The following CSMD1 variants were observed in gnomAD, a reference collection of about 807,000 sequenced individuals.
CSMD1 encodes CUB and sushi domain-containing protein 1.
A neutral mutation model predicts 417.5 loss-of-function variants in CSMD1; 213 were observed. That is an observed-to-expected ratio of 0.51 (90% confidence interval 0.46 to 0.57). The LOEUF (loss-of-function observed/expected upper bound fraction) is 0.57. Among genes scored for constraint, CSMD1 ranks in the 20% least tolerant of loss-of-function variants. CSMD1 has a pLI of 0.00. For synonymous variants in CSMD1, 2,862 were observed against 1,736.8 expected, an observed-to-expected ratio of 1.65 and a Z score of -16.11; for missense variants, 6,923 against 4,529.7, an observed-to-expected ratio of 1.53 and a Z score of -15.17.
At chr8:4,120,603 G>A (rs1488814242) in intron 3 of CSMD1, among the ~76,000 whole-genome samples, 1 of 152,172 alleles carries the variant, frequency 6.6e-6, no homozygotes, top group African/African-American at 2.4e-5. Flanking sequence ...ACACTTTTGG[G>A]TGCCAAATAG....
chr8:4,350,959 C>A (rs1248139516), intron 3 of CSMD1, among the ~76,000 whole-genome samples: 1 of 152,090 alleles, frequency 6.6e-6, no homozygotes, highest in South Asian at 2.1e-4. Flanking sequence ...TGCAAGTCAT[C>A]GTTTAAAGCT....
intron 26 of CSMD1, among the ~76,000 whole-genome samples, chr8:3,232,025 T>C (rs535059392): frequency 5.3e-5 from 8 of 152,332 alleles, no homozygotes; most frequent in East Asian, 3.9e-4. Flanking sequence ...TGTGTATCTA[T>C]AACACAATGA....
intron 12 of CSMD1, among the ~76,000 whole-genome samples, chr8:3,445,697 G>A (rs1330190786): frequency 6.6e-6 from 1 of 152,112 alleles, no homozygotes; most frequent in Non-Finnish European, 1.5e-5. Context: ...AGGAAACAAG[G>A]CCATGTAGCA....
At chr8:4,455,932 A>C (rs1289340036) in intron 2 of CSMD1, among the ~76,000 whole-genome samples, 2 of 106,514 alleles carry the variant, frequency 1.9e-5, no homozygotes, top group African/African-American at 4.7e-5. Flanking sequence ...CCAACTCCAA[A>C]AAAAAAAAAA....
chr8:2,936,238 T>C lies in CSMD1; in HGVS notation c.*2347A>G, dbSNP rs1801455408. 6.6e-6 allele frequency: 1 copy of C among 151,928 alleles called. No individual in the cohort carries two copies. The highest frequency in any genetic ancestry group is 2.4e-5 in the African/African-American group (1 of 41,332). The allele number at this position is 151,928 out of a possible 1,614,324, so 9.4% of individuals were successfully genotyped here. ...ATGTGGTTTCTTGTATGTATGTATG[T>C]CCTGTCATTTCAGGATTTCATAGCA... On this transcript the variant is annotated 3_prime_UTR_variant, in exon 70 of 70. Transcript: ENST00000635120.
chr8:3,112,701 T>A (rs967494179), intron 42 of CSMD1, among the ~76,000 whole-genome samples: 2 of 152,186 alleles, frequency 1.3e-5, no homozygotes, highest in Non-Finnish European at 2.9e-5. Flanking sequence ...AAAAAGCTTA[T>A]TGAATAGTGA....
intron 5 of CSMD1, among the ~76,000 whole-genome samples, chr8:3,979,853 G>C (rs1347155346): frequency 6.6e-6 from 1 of 152,182 alleles, no homozygotes; most frequent in Non-Finnish European, 1.5e-5. Context: ...TAAATTTTCA[G>C]AGCTATTTAT....
chr8:4,129,104 A>G (rs1185193059), intron 3 of CSMD1, among the ~76,000 whole-genome samples: 1 of 151,840 alleles, frequency 6.6e-6, no homozygotes, highest in South Asian at 2.1e-4. Flanking sequence ...AAAACAAAAA[A>G]AACAGAATTT....
chr8:3,973,906 G>A (rs540994243), intron 5 of CSMD1, among the ~76,000 whole-genome samples: 86 of 152,294 alleles, frequency 5.6e-4, no homozygotes, highest in African/African-American at 2.0e-3. Context: ...TACATGAAAT[G>A]TTTTGATACA....
chr8:4,429,322 CT>C (rs1563164052), intron 2 of CSMD1, among the ~76,000 whole-genome samples: 1 of 151,966 alleles, frequency 6.6e-6, no homozygotes, highest in East Asian at 1.9e-4. Context: ...TCTTCAAGAG[CT>C]TTACATGTGT....
Position 3,399,500 on chromosome 8 carries a change from T to A in CSMD1, c.2296A>T (p.Ser766Cys). Residue 766 changes from serine (S) to cysteine (C), a missense_variant, in exon 16 of 70, where the codon AGC becomes TGC. Transcript: ENST00000635120. ...CATCCAGGAGGCAAAATGACTCCGC[T>A]GGACGCTGTCAGATGTCCACCACAT... ...APCGGHLTAS[S>C]GVILPPGWPG... 1 of 1,605,572 alleles carries A rather than the reference T, an allele frequency of 6.2e-7. No individual in the cohort carries two copies. The highest frequency in any genetic ancestry group is 8.5e-7 in the Non-Finnish European group (1 of 1,176,314).
chr8:3,353,323 A>G (rs557606347), intron 21 of CSMD1, among the ~76,000 whole-genome samples: 4 of 152,290 alleles, frequency 2.6e-5, no homozygotes, highest in African/African-American at 9.6e-5. Flanking sequence ...ATTAAATCAG[A>G]AGAATTCTTG....
chr8:4,667,668 T>C (rs1219832557), intron 1 of CSMD1, among the ~76,000 whole-genome samples: 2 of 152,224 alleles, frequency 1.3e-5, no homozygotes, highest in East Asian at 1.9e-4. Context: ...CTTCAGTGAT[T>C]GTTGGTTAAA....
chr8:4,246,258 A>C (rs544311675), intron 3 of CSMD1, among the ~76,000 whole-genome samples: 2 of 152,090 alleles, frequency 1.3e-5, no homozygotes, highest in African/African-American at 4.8e-5. Flanking sequence ...TTACTTATAC[A>C]TGATAACTTG....
chr8:4,397,881 T>C (rs771916826), intron 3 of CSMD1, among the ~76,000 whole-genome samples: 2 of 152,158 alleles, frequency 1.3e-5, no homozygotes, highest in Admixed American at 1.3e-4. Context: ...TTTCTTCCAA[T>C]GTTCTAATGG....
intron 4 of CSMD1, among the ~76,000 whole-genome samples, chr8:4,002,228 CATGTGTGTGCGTGTGTTTGTGTGT>C (rs1815741352): frequency 6.6e-6 from 1 of 151,616 alleles, no homozygotes; most frequent in Non-Finnish European, 1.5e-5. Context: ...AGTGTGTGTG[CATGTGTGTGCGTGTGTTTGTGTGT>C]ATGTGTGTGT....
At position 4,637,420 on chromosome 8, in the gene CSMD1, T is replaced by C. The variant is rs1802888433; in HGVS notation, c.224A>G (p.His75Arg). The C allele has an allele frequency of 6.2e-7, 1 of 1,613,904 alleles. No homozygotes were observed. Among genetic ancestry groups the C allele is most frequent in the Non-Finnish European group, 8.5e-7 (1 of 1,179,878 alleles). ...GERNRIQLSF[H>R]TFALEEDFDI... The stretch of plus-strand genomic sequence containing the variant: ...AAAATCTTCTTCAAGAGCAAAGGTA[T>C]GGAAGGACAACTGTATCCTATTGCG... The change falls in exon 2 of 70, where the codon CAT (histidine) becomes CGT (arginine). Residue 75 changes from histidine (H) to arginine (R), a missense_variant. By Grantham distance (29) the His-to-Arg change is conservative. Transcript: ENST00000635120.
At chr8:4,756,207 C>G (rs1010945447) in intron 1 of CSMD1, among the ~76,000 whole-genome samples, 8 of 152,128 alleles carry the variant, frequency 5.3e-5, no homozygotes, top group African/African-American at 9.7e-5. Flanking sequence ...TATTTAACAT[C>G]TAGCATAATA....
At chr8:4,272,536 T>A (rs1804670391) in intron 3 of CSMD1, among the ~76,000 whole-genome samples, 1 of 152,092 alleles carries the variant, frequency 6.6e-6, no homozygotes, top group African/African-American at 2.4e-5. Context: ...GCATAACAAG[T>A]GATTTGCTTC....
Sources: gnomAD v4.1 joint callset for allele counts (sites outside exome capture counted in the v4.1 genomes callset) on GRCh38, gnomAD v4.1.1 for gene constraint, MANE v1.5 for transcripts, NCBI Gene and HGNC (gene_info 2026-07-23, HGNC 2026-07-21) for gene names.